ITPRID1: variants seen among roughly 807,000 people sequenced by gnomAD.
ITPRID1 encodes protein ITPRID1.
In ITPRID1, 96 loss-of-function variants were observed where a neutral mutation model predicts 95.4. The observed-to-expected ratio is 1.01, with a 90% CI of 0.85 to 1.19. The LOEUF (loss-of-function observed/expected upper bound fraction) is 1.19, where lower values mean the gene tolerates loss of function less well. Ranked by LOEUF, ITPRID1 falls within the 50% of genes most tolerant of loss-of-function variation. The pLI is 0.00. For missense variants in ITPRID1, 1,339 were observed against 1,252.9 expected (o/e 1.07, Z -1.04); for synonymous variants, 510 against 453.6 (o/e 1.12, Z -1.58).
intron 10 of ITPRID1, among the ~76,000 whole-genome samples, chr7:31,639,353 C>A (rs1789788388): frequency 6.6e-6 from 1 of 152,016 alleles, no homozygotes; most frequent in Non-Finnish European, 1.5e-5. Context: ...CTAATCTTTT[C>A]TTCTGCAGTC....
At chr7:31,576,617 A>G (rs1562581447) in intron 8 of ITPRID1, among the ~76,000 whole-genome samples, 1 of 152,230 alleles carries the variant, frequency 6.6e-6, no homozygotes, top group Non-Finnish European at 1.5e-5. Flanking sequence ...TTGGAAAAAT[A>G]TCACAGTCCT....
chr7:31,558,375 T>A (rs1784519992), intron 5 of ITPRID1, among the ~76,000 whole-genome samples: 1 of 152,188 alleles, frequency 6.6e-6, no homozygotes, highest in African/African-American at 2.4e-5. Flanking sequence ...GGTAAGTCAC[T>A]GGCACTTCTC....
chr7:31,606,568 G>A (rs549176988), intron 10 of ITPRID1, among the ~76,000 whole-genome samples: 1 of 152,150 alleles, frequency 6.6e-6, no homozygotes. Context: ...ATGTAGTCCA[G>A]TACCATAGAT....
intron 6 of ITPRID1, 129 bp downstream of exon 6, chr7:31,569,938 T>C (rs1391918555): frequency 1.5e-6 from 1 of 657,578 alleles, no homozygotes; most frequent in Admixed American, 3.3e-5. Flanking sequence ...GTAACTGGTT[T>C]AGTCACAGTG....
At chr7:31,621,933 A>C (rs1341559631) in intron 10 of ITPRID1, among the ~76,000 whole-genome samples, 3 of 150,802 alleles carry the variant, frequency 2.0e-5, no homozygotes, top group Non-Finnish European at 4.4e-5. Flanking sequence ...ATGGAAAACA[A>C]AAAAAGGCAG....
In ITPRID1 at chr7:31,542,535, A is replaced by G. The variant is rs574019668; in HGVS notation, c.-97-6891A>G. 2.0e-5 allele frequency among the ~76,000 whole-genome samples: 3 copies of G among 152,308 alleles called. No individual in the cohort carries two copies. The South Asian group carries it at 6.2e-4, about 32-fold the overall frequency. On this transcript the variant is annotated intron_variant, in intron 1 of 14. Coordinates refer to ENST00000615280, the MANE Select transcript of ITPRID1 (RefSeq NM_001257967.3). ...AATTCTCTTTTCTTTAATATCAAAG[A>G]ACTGTTATTCTTTCCCAAAACAAAC...
intron 10 of ITPRID1, 142 bp downstream of exon 10, chr7:31,583,333 G>T: frequency 6.9e-6 from 4 of 575,726 alleles, no homozygotes; most frequent in Non-Finnish European, 1.2e-5. Context: ...GATATTAAAA[G>T]CCTACTGGCA....
chr7:31,635,729 AACACATGG>A (rs1209103114), intron 10 of ITPRID1, among the ~76,000 whole-genome samples: 9 of 152,056 alleles, frequency 5.9e-5, no homozygotes, highest in Non-Finnish European at 1.5e-5. Flanking sequence ...TTTAAATGAG[AACACATGG>A]ACACAGGGAG....
intron 10 of ITPRID1, among the ~76,000 whole-genome samples, chr7:31,634,922 G>A (rs571676596): frequency 2.0e-5 from 3 of 152,266 alleles, no homozygotes; most frequent in South Asian, 2.1e-4. Context: ...GCAATGAGAC[G>A]TCTCAAGTTC....
At chr7:31,652,334 A>C (rs1450681530) in intron 14 of ITPRID1, among the ~76,000 whole-genome samples, 184 bp from the exon 15 acceptor site, 1 of 152,158 alleles carries the variant, frequency 6.6e-6, no homozygotes, top group Non-Finnish European at 1.5e-5. Context: ...TAAGAATCAC[A>C]GGCACAGTGA....
chr7:31,603,776 C>A (rs1786497609), intron 10 of ITPRID1, among the ~76,000 whole-genome samples: 1 of 152,146 alleles, frequency 6.6e-6, no homozygotes, highest in African/African-American at 2.4e-5. Context: ...TGCTTAGTGT[C>A]CCCCACAATC....
chr7:31,535,211 A>C (rs1226923284), intron 1 of ITPRID1, among the ~76,000 whole-genome samples: 1 of 152,194 alleles, frequency 6.6e-6, no homozygotes, highest in African/African-American at 2.4e-5. Context: ...AACTTATCAG[A>C]ATCTATCATT....
intron 10 of ITPRID1, among the ~76,000 whole-genome samples, chr7:31,625,518 A>C (rs1027955209): frequency 3.3e-5 from 5 of 152,232 alleles, no homozygotes; most frequent in African/African-American, 9.6e-5. Flanking sequence ...AAACTATTGC[A>C]AGAACAAAAA....
chr7:31,619,671 G>A (rs371771775), intron 10 of ITPRID1, among the ~76,000 whole-genome samples: 4 of 152,110 alleles, frequency 2.6e-5, no homozygotes, highest in African/African-American at 9.7e-5. Flanking sequence ...AGCCCCCAGC[G>A]TGAGCCACGC....
intron 10 of ITPRID1, among the ~76,000 whole-genome samples, chr7:31,633,441 T>TG (rs1178752072): frequency 6.6e-6 from 1 of 152,180 alleles, no homozygotes; most frequent in Non-Finnish European, 1.5e-5. Flanking sequence ...AGGAGTGTTC[T>TG]GGAAGGGAGG....
intron 10 of ITPRID1, among the ~76,000 whole-genome samples, chr7:31,630,854 AG>A (rs1415037196): frequency 1.3e-5 from 2 of 152,142 alleles, no homozygotes; most frequent in Non-Finnish European, 2.9e-5. Context: ...AAAAGAAAAC[AG>A]GAATTACAAC....
chr7:31,623,108 A>C (rs1788079813), intron 10 of ITPRID1, among the ~76,000 whole-genome samples: 1 of 152,220 alleles, frequency 6.6e-6, no homozygotes, highest in Non-Finnish European at 1.5e-5. Flanking sequence ...TGTGGCAATA[A>C]TCAGTAGCTT....
At chr7:31,651,918 T>C (rs1340895504) in intron 13 of ITPRID1, 21 bp from the exon 14 acceptor site, 1 of 1,542,068 alleles carries the variant, frequency 6.5e-7, no homozygotes, top group Non-Finnish European at 8.8e-7. Context: ...AATTTGGTTA[T>C]TTTCTATTAT....
At chr7:31,658,271 G>T (rs926289761), downstream of ITPRID1, 34 of 1,501,568 alleles carry the variant, frequency 2.3e-5, no homozygotes, top group Non-Finnish European at 2.8e-5. Context: ...TCTCTTATAG[G>T]TGAATTATTG....
Sources: allele counts gnomAD v4.1 joint callset (sites outside exome capture counted in the v4.1 genomes callset), GRCh38; gene constraint gnomAD v4.1.1; transcripts MANE v1.5; gene names NCBI Gene and HGNC (gene_info 2026-07-23, HGNC 2026-07-21).